The following RAP1B variants were observed in gnomAD, a reference collection of about 807,000 sequenced individuals.
RAP1B encodes ras-related protein Rap-1b.
In RAP1B, 1 loss-of-function variant was observed where a neutral mutation model predicts 27.5. The ratio of observed to expected loss-of-function variants is 0.04; its 90% CI spans 0.01 to 0.17. The LOEUF (loss-of-function observed/expected upper bound fraction) is 0.17, where lower values mean the gene tolerates loss of function less well. RAP1B is among the 10% of genes least tolerant of loss of function. The probability of loss-of-function intolerance (pLI) is 1.00; values close to 1 mark genes in which losing one functional copy is unlikely to be tolerated. For missense variants in RAP1B, 84 were observed against 214.8 expected (o/e 0.39, Z 3.81); for synonymous variants, 75 against 73.1 (o/e 1.03, Z -0.13).
At chr12:68,648,872 T>C in intron 2 of RAP1B, 91 bp downstream of exon 2, 2 of 1,155,702 alleles carry the variant, frequency 1.7e-6, no homozygotes, top group Non-Finnish European at 1.2e-6. Flanking sequence ...TTTGTTAAGA[T>C]AAAATTCCTT....
At chr12:68,652,824 A>C (rs867103950) in intron 4 of RAP1B, among the ~76,000 whole-genome samples, 1 of 152,298 alleles carries the variant, frequency 6.6e-6, no homozygotes, top group Middle Eastern at 3.4e-3. Context: ...GTTAGAAGAA[A>C]AATTTTCAGT....
rs1874610161 is a variant in RAP1B, at chr12:68,661,881, A to T, written c.*2632A>T. ...TGGAGCCAGACTTCCTGGGTTTTTA[A>T]TCCCAGCTCTTCCAGTTCCTACTAT... On this transcript the variant is annotated 3_prime_UTR_variant, in exon 8 of 8. Coordinates refer to ENST00000250559, the MANE Select transcript of RAP1B (RefSeq NM_001010942.3). 1 of 151,756 alleles carries T rather than the reference A, an allele frequency of 6.6e-6. No individual in the cohort carries two copies. Among genetic ancestry groups the T allele is most frequent in the African/African-American group, 2.4e-5 (1 of 41,288 alleles). The allele number at this position is 151,756 out of a possible 1,614,324, so 9.4% of individuals were successfully genotyped here.
chr12:68,634,281 A>G (rs577040994), intron 1 of RAP1B, among the ~76,000 whole-genome samples: 1 of 152,372 alleles, frequency 6.6e-6, no homozygotes, highest in Admixed American at 6.5e-5. Context: ...TGAATCTTTA[A>G]GAACTGTAAG....
chr12:68,621,921 A>G (rs939019924), intron 1 of RAP1B, among the ~76,000 whole-genome samples: 7 of 152,172 alleles, frequency 4.6e-5, no homozygotes, highest in African/African-American at 1.7e-4. Flanking sequence ...CAGGTACTCA[A>G]ATTAGACCTT....
intron 1 of RAP1B, chr12:68,642,641 T>C (rs375585888): frequency 2.4e-5 from 26 of 1,065,118 alleles, no homozygotes; most frequent in East Asian, 1.2e-4. Context: ...CTTCATCTTC[T>C]CCATCTGTTT....
rs1874645233 is a variant in RAP1B, at chr12:68,662,367, TA to T, written c.*3123del. ...TTCACTTACATTTTTCTAAAAAGTGTAAAAACCCTGTATTGACTTTCTTGTT... is the reference window on the plus strand; with the variant it reads ...TTCACTTACATTTTTCTAAAAAGTGTAAAACCCTGTATTGACTTTCTTGTT... On this transcript the variant is annotated 3_prime_UTR_variant, in exon 8 of 8. Transcript: ENST00000250559. 3 of 152,158 alleles carry T rather than the reference TA, an allele frequency of 2.0e-5. No homozygotes were observed. In the East Asian group the frequency reaches 5.8e-4, roughly 29 times the overall value. The allele number at this position is 152,158 out of a possible 1,614,324, so 9.4% of individuals were successfully genotyped here. A position where few individuals can be genotyped will look rare whatever the true frequency, so the allele number is the denominator to read the frequency against.
At chr12:68,611,710 A>G (rs923068474) in intron 1 of RAP1B, among the ~76,000 whole-genome samples, 3 of 152,166 alleles carry the variant, frequency 2.0e-5, no homozygotes. Context: ...GTCTGGCAGC[A>G]GCCACCGTGT....
intron 1 of RAP1B, among the ~76,000 whole-genome samples, chr12:68,644,629 C>T (rs995166156): frequency 6.6e-6 from 1 of 150,938 alleles, no homozygotes; most frequent in African/African-American, 2.4e-5. Context: ...GAATAGCAGT[C>T]CTCTTTAGTG....
At chr12:68,647,829 T>A (rs923643811) in intron 1 of RAP1B, among the ~76,000 whole-genome samples, 2 of 152,162 alleles carry the variant, frequency 1.3e-5, no homozygotes, top group African/African-American at 4.8e-5. Context: ...TAGAAGCATA[T>A]CCTCTGAGGC....
intron 1 of RAP1B, among the ~76,000 whole-genome samples, chr12:68,640,481 A>G (rs531507996): frequency 1.4e-4 from 21 of 152,286 alleles, no homozygotes; most frequent in Non-Finnish European, 2.9e-4. Context: ...GGTACTCATT[A>G]TATATTTATT....
intron 1 of RAP1B, among the ~76,000 whole-genome samples, chr12:68,631,517 A>G (rs1872236806): frequency 6.6e-6 from 1 of 152,196 alleles, no homozygotes; most frequent in African/African-American, 2.4e-5. Flanking sequence ...ACTGATACTC[A>G]GAGATCTCCT....
chr12:68,644,978 C>T (rs1401647815), intron 1 of RAP1B, among the ~76,000 whole-genome samples: 6 of 152,096 alleles, frequency 3.9e-5, no homozygotes, highest in African/African-American at 1.4e-4. Context: ...GGATTACAGG[C>T]GTGAGCCACC....
rs1431326430 is a variant in RAP1B, at chr12:68,663,789, C to G, written c.*4540C>G. The G allele has an allele frequency of 1.3e-5, 2 of 152,152 alleles. No homozygotes were observed. The highest frequency in any genetic ancestry group is 4.8e-5 in the African/African-American group (2 of 41,434). The allele number at this position is 152,152 out of a possible 1,614,324, so 9.4% of individuals were successfully genotyped here. ...GCATTCAGTATTCTCTACCGTGTTT[C>G]AGGCGCTGTTTACAATATCGGAGGT... On this transcript the variant is annotated 3_prime_UTR_variant, in exon 8 of 8. Transcript: ENST00000250559.
chr12:68,643,993 C>T (rs186060331), intron 1 of RAP1B, among the ~76,000 whole-genome samples: 23 of 151,688 alleles, frequency 1.5e-4, no homozygotes, highest in East Asian at 9.7e-4. Context: ...AGATTTTTTC[C>T]GTACTCTTGA....
intron 1 of RAP1B, among the ~76,000 whole-genome samples, chr12:68,620,584 G>A (rs866499213): frequency 2.0e-5 from 3 of 150,830 alleles, no homozygotes; most frequent in Admixed American, 2.0e-4. Flanking sequence ...CATGGGATAA[G>A]TCCAAATTTT....
rs1389623070 is a variant in RAP1B, at chr12:68,664,947, G to A, written c.*5698G>A. The A allele has an allele frequency of 6.6e-6, 1 of 152,174 alleles. No individual in the cohort carries two copies. Among genetic ancestry groups the A allele is most frequent in the Non-Finnish European group, 1.5e-5 (1 of 68,034 alleles). 9.4% of individuals were successfully genotyped at this position (152,174 alleles called of 1,614,324 possible). ...TCTGGTTGACTATTAACAGGTCAAT[G>A]TCAGATTTCCTGAGCAAATCAACCA... On this transcript the variant is annotated 3_prime_UTR_variant, in exon 8 of 8. Transcript: ENST00000250559.
intron 1 of RAP1B, among the ~76,000 whole-genome samples, chr12:68,647,324 AGAGATC>A (rs1333736306): frequency 7.0e-6 from 1 of 142,800 alleles, no homozygotes; most frequent in Non-Finnish European, 1.5e-5. Context: ...CATGAGGTCA[AGAGATC>A]GAGACCATCC....
At position 68,662,375 on chromosome 12, in the gene RAP1B, C is replaced by T. The variant is rs904568158; in HGVS notation, c.*3126C>T. 1 of 152,014 alleles carries T rather than the reference C, an allele frequency of 6.6e-6. No individual in the cohort carries two copies. Among genetic ancestry groups the T allele is most frequent in the Non-Finnish European group, 1.5e-5 (1 of 68,018 alleles). The allele number at this position is 152,014 out of a possible 1,614,324, so 9.4% of individuals were successfully genotyped here. A position where few individuals can be genotyped will look rare whatever the true frequency, so the allele number is the denominator to read the frequency against. ...CATTTTTCTAAAAAGTGTAAAAACC[C>T]TGTATTGACTTTCTTGTTGATTCAG... On this transcript the variant is annotated 3_prime_UTR_variant, in exon 8 of 8. Transcript: ENST00000250559.
chr12:68,643,943 T>TA (rs1484636113), intron 1 of RAP1B, among the ~76,000 whole-genome samples: 4 of 152,196 alleles, frequency 2.6e-5, no homozygotes, highest in African/African-American at 9.6e-5. Flanking sequence ...TTCTTTTTTT[T>TA]ATTCCAGGGA....
Sources: gnomAD v4.1 joint callset for allele counts (sites outside exome capture counted in the v4.1 genomes callset) on GRCh38, gnomAD v4.1.1 for gene constraint, MANE v1.5 for transcripts, NCBI Gene and HGNC (gene_info 2026-07-23, HGNC 2026-07-21) for gene names.